The following SLC20A2 variants were observed in gnomAD, a reference collection of about 807,000 sequenced individuals.
SLC20A2 encodes the protein sodium-dependent phosphate transporter 2.
SLC20A2 carries 30 observed loss-of-function variants against 61.0 expected under a neutral mutation model. The ratio of observed to expected loss-of-function variants is 0.49; its 90% confidence interval spans 0.37 to 0.67. The LOEUF is 0.67. SLC20A2 is among the 30% of genes least tolerant of loss of function. The pLI is 0.00. For missense variants in SLC20A2, 626 were observed against 866.4 expected (o/e 0.72, Z 3.48); for synonymous variants, 351 against 353.3 (o/e 0.99, Z 0.07).
At chr8:42,522,895 T>G (rs1811670009) in intron 1 of SLC20A2, among the ~76,000 whole-genome samples, 1 of 82,416 alleles carries the variant, frequency 1.2e-5, no homozygotes, top group Non-Finnish European at 2.2e-5. Context: ...AAAAAATCTG[T>G]AGAGATGGCG....
At chr8:42,493,002 G>T (rs2131320601) in intron 1 of SLC20A2, among the ~76,000 whole-genome samples, 1 of 152,296 alleles carries the variant, frequency 6.6e-6, no homozygotes, top group Admixed American at 6.5e-5. Flanking sequence ...TTAAGTTTAA[G>T]GTCTTAGTCC....
At chr8:42,531,241 G>A (rs974318637) in intron 1 of SLC20A2, among the ~76,000 whole-genome samples, 2 of 152,062 alleles carry the variant, frequency 1.3e-5, no homozygotes, top group Admixed American at 1.3e-4. Flanking sequence ...TTGTGGCTTT[G>A]CGGCCATTCT....
intron 1 of SLC20A2, among the ~76,000 whole-genome samples, chr8:42,485,440 G>A (rs1000577053): frequency 8.6e-5 from 13 of 151,580 alleles, no homozygotes; most frequent in African/African-American, 1.2e-4. Flanking sequence ...TCAGGAGTTC[G>A]AGACCAGCCT....
intron 1 of SLC20A2, among the ~76,000 whole-genome samples, chr8:42,528,246 G>A (rs1223955998): frequency 6.6e-6 from 1 of 152,160 alleles, no homozygotes; most frequent in Non-Finnish European, 1.5e-5. Context: ...CAGATCACGA[G>A]GTCAGGAGAT....
At chr8:42,459,575 G>A (rs1586100496) in intron 5 of SLC20A2, among the ~76,000 whole-genome samples, 1 of 152,170 alleles carries the variant, frequency 6.6e-6, no homozygotes, top group African/African-American at 2.4e-5. Context: ...GAGAGGCTAA[G>A]CTATAGTGGC....
At position 42,460,121 on chromosome 8, in the gene SLC20A2, G is replaced by C. The variant is rs1475496884; in HGVS notation, c.517-129C>G. 18 of 601,428 alleles carry C rather than the reference G, an allele frequency of 3.0e-5. No homozygotes were observed. The Admixed American group carries it at 4.3e-4, about 15-fold the overall frequency. The allele number at this position is 601,428 out of a possible 1,614,324, so 37.3% of individuals were successfully genotyped here. ...AAACCCCAGTGTGGCCAAAAGGATG[G>C]GCGTTGTCACTGCCTGTGATCTGCT... On this transcript the variant is annotated intron_variant, in intron 4 of 10. Transcript: ENST00000520262.
Position 42,472,766 on chromosome 8 carries a change from G to A in SLC20A2, c.-264-112C>T. On this transcript the variant is annotated intron_variant, in intron 1 of 10. Coordinates refer to ENST00000520262, the MANE Select transcript of SLC20A2 (RefSeq NM_001257180.2). The surrounding 1 kb of genome is among the most constrained non-coding windows in gnomAD (Gnocchi z 4.1). ...CTAATGGGATCTAACTTTGGCATGTGACGGACCTAACCATAAAGCAATTCA... is the reference window on the plus strand; with the variant it reads ...CTAATGGGATCTAACTTTGGCATGTAACGGACCTAACCATAAAGCAATTCA... 5.6e-6 allele frequency: 1 copy of A among 179,392 alleles called. No homozygotes were observed. Among genetic ancestry groups the A allele is most frequent in the African/African-American group, 2.4e-5 (1 of 42,094 alleles). The allele number at this position is 179,392 out of a possible 1,614,324, so 11.1% of individuals were successfully genotyped here. A position where few individuals can be genotyped will look rare whatever the true frequency, so the allele number is the denominator to read the frequency against.
At chr8:42,456,526 T>C (rs1381598231) in intron 5 of SLC20A2, among the ~76,000 whole-genome samples, 2 of 151,060 alleles carry the variant, frequency 1.3e-5, no homozygotes, top group Non-Finnish European at 1.5e-5. Flanking sequence ...AGGTCAGGAG[T>C]TTGAGACCAG....
intron 5 of SLC20A2, among the ~76,000 whole-genome samples, chr8:42,455,257 T>TATATATATATATATATAG (rs1357416749): frequency 3.7e-5 from 3 of 81,622 alleles, no homozygotes; most frequent in African/African-American, 1.3e-4. Flanking sequence ...TATATATATA[T>TATATATATATATATATAG]AGAGAGAGAG....
intron 1 of SLC20A2, among the ~76,000 whole-genome samples, chr8:42,477,464 CTTTT>C (rs56302974): frequency 4.0e-5 from 2 of 50,280 alleles, no homozygotes; most frequent in African/African-American, 1.6e-4. Flanking sequence ...GGGACAGGGA[CTTTT>C]TTTTTTTTTT....
intron 1 of SLC20A2, among the ~76,000 whole-genome samples, chr8:42,494,892 G>T (rs1262194531): frequency 6.6e-6 from 1 of 152,048 alleles, no homozygotes; most frequent in Non-Finnish European, 1.5e-5. Flanking sequence ...TGTCACCCAG[G>T]CTGGAGTGCA....
chr8:42,479,038 G>C (rs930484582), intron 1 of SLC20A2, among the ~76,000 whole-genome samples: 2 of 152,134 alleles, frequency 1.3e-5, no homozygotes, highest in Non-Finnish European at 2.9e-5. Context: ...GATCGAGGAG[G>C]GGCTCGGGAC....
intron 1 of SLC20A2, among the ~76,000 whole-genome samples, chr8:42,514,076 T>C (rs1811181767): frequency 6.6e-6 from 1 of 152,208 alleles, no homozygotes; most frequent in South Asian, 2.1e-4. Flanking sequence ...CACTATCCTG[T>C]AGCTCTGAGG....
At chr8:42,419,928 T>C (rs1292088915) in intron 10 of SLC20A2, among the ~76,000 whole-genome samples, 1 of 152,094 alleles carries the variant, frequency 6.6e-6, no homozygotes, top group Non-Finnish European at 1.5e-5. Flanking sequence ...TGGCTCATGC[T>C]TGTAATCCCA....
At chr8:42,498,384 A>G (rs1810081925) in intron 1 of SLC20A2, among the ~76,000 whole-genome samples, 1 of 152,158 alleles carries the variant, frequency 6.6e-6, no homozygotes, top group Non-Finnish European at 1.5e-5. Flanking sequence ...AGCTCAGAGG[A>G]GCTGAATGCT....
intron 1 of SLC20A2, among the ~76,000 whole-genome samples, chr8:42,523,588 A>T (rs1041110822): frequency 7.2e-5 from 11 of 152,324 alleles, no homozygotes; most frequent in Admixed American, 1.3e-4. Context: ...ATCAACAGTC[A>T]AGTAATCCAC....
intron 1 of SLC20A2, among the ~76,000 whole-genome samples, chr8:42,480,128 A>G (rs1456292982): frequency 3.3e-5 from 5 of 152,234 alleles, no homozygotes; most frequent in African/African-American, 1.2e-4. Flanking sequence ...AGCCACTACA[A>G]TGATGTAACT....
chr8:42,518,242 C>CT (rs924533736), intron 1 of SLC20A2, among the ~76,000 whole-genome samples: 18 of 152,158 alleles, frequency 1.2e-4, no homozygotes, highest in Admixed American at 2.6e-4. Context: ...GCCCAGACAA[C>CT]TTTTTTTAAA....
chr8:42,520,147 G>C (rs1811558399), intron 1 of SLC20A2, among the ~76,000 whole-genome samples: 1 of 150,512 alleles, frequency 6.6e-6, no homozygotes, highest in Admixed American at 6.7e-5. Flanking sequence ...CCAAGCAGCT[G>C]GGATTACAGG....
Sources: allele counts gnomAD v4.1 joint callset (sites outside exome capture counted in the v4.1 genomes callset), GRCh38; gene constraint gnomAD v4.1.1; non-coding constraint Gnocchi (gnomAD v3.1); transcripts MANE v1.5; gene names NCBI Gene and HGNC (gene_info 2026-07-23, HGNC 2026-07-21).